The following HDGFL2 variants were observed in gnomAD, a reference collection of about 807,000 sequenced individuals.
HDGFL2 encodes hepatoma-derived growth factor-related protein 2.
HDGFL2 carries 36 observed loss-of-function variants against 77.1 expected under a neutral mutation model. The observed-to-expected ratio is 0.47, with a 90% CI of 0.36 to 0.62. HDGFL2 has a LOEUF of 0.62. Among genes scored for constraint, HDGFL2 ranks in the 20% least tolerant of loss-of-function variants. HDGFL2 has a pLI of 0.00. For synonymous variants in HDGFL2, 463 were observed against 413.1 expected, an observed-to-expected ratio of 1.12 and a Z score of -1.46; for missense variants, 976 against 973.4, an observed-to-expected ratio of 1.00 and a Z score of -0.04.
intron 3 of HDGFL2, among the ~76,000 whole-genome samples, chr19:4,477,025 G>C (rs1336152993): frequency 1.3e-5 from 2 of 152,146 alleles, no homozygotes; most frequent in Admixed American, 6.5e-5. Context: ...GGTCTGAGTG[G>C]AGCAAGGCAG....
At chr19:4,497,833 C>A in intron 10 of HDGFL2, 125 bp from the exon 11 acceptor site, 1 of 839,596 alleles carries the variant, frequency 1.2e-6, no homozygotes, top group Non-Finnish European at 1.9e-6. Context: ...CGTTTCCCGG[C>A]TTAGCTCCCA....
intron 6 of HDGFL2, among the ~76,000 whole-genome samples, chr19:4,493,252 G>T (rs1460795119): frequency 8.0e-6 from 1 of 125,684 alleles, no homozygotes; most frequent in East Asian, 2.4e-4. Flanking sequence ...TATGTGTGTT[G>T]TCTGTGTGTG....
chr19:4,497,988 G>T lies in HDGFL2; in HGVS notation c.1359G>T (p.Arg453=), dbSNP rs370031461. The change falls in exon 11 of 16, where the codon CGG becomes CGT. Residue 453 remains arginine (R), a synonymous_variant. Coordinates refer to ENST00000616600, the MANE Select transcript of HDGFL2 (RefSeq NM_001001520.3). ...TGAAGGTGGAGCGGACCCGGAAGCG[G>T]TCCGAGGGCTTCTCGATGGACAGGA... ...KPVKVERTRK[R]SEGFSMDRKV... 7.7e-6 allele frequency: 12 copies of T among 1,556,160 alleles called. No individual in the cohort carries two copies. Among genetic ancestry groups the T allele is most frequent in the East Asian group, 7.2e-5 (3 of 41,520 alleles).
chr19:4,498,931 CAGA>C lies in HDGFL2; in HGVS notation c.1575+17_1575+19del. On this transcript the variant is annotated intron_variant, in intron 13 of 15. Coordinates refer to ENST00000616600, the MANE Select transcript of HDGFL2 (RefSeq NM_001001520.3). ...CTTGAAGAAGGTATGGCGGGGGAAT[CAGA>C]GGCGCAGGGTGCAGTCGGGGGAGCT... The C allele has an allele frequency of 6.4e-7, 1 of 1,558,682 alleles. No homozygotes were observed. The highest frequency in any genetic ancestry group is 1.1e-5 in the South Asian group (1 of 87,396).
chr19:4,489,122 T>G (rs1975441474), intron 4 of HDGFL2, among the ~76,000 whole-genome samples: 1 of 151,566 alleles, frequency 6.6e-6, no homozygotes, highest in Non-Finnish European at 1.5e-5. Flanking sequence ...CTTGGCTAAT[T>G]TTTGTATTTT....
chr19:4,485,564 A>C (rs924889490), intron 3 of HDGFL2, among the ~76,000 whole-genome samples: 9 of 151,308 alleles, frequency 5.9e-5, no homozygotes, highest in African/African-American at 2.2e-4. Flanking sequence ...CAGTGAAACC[A>C]CGTCTCAACT....
In HDGFL2 at chr19:4,479,619, C is replaced by A. The variant is rs146152647; in HGVS notation, c.288+4036C>A. On this transcript the variant is annotated intron_variant, in intron 3 of 15. Transcript: ENST00000616600. ...AGAAAGAAAGAAACCCCGCCTCTACCCAAACTACAAAAATTAGCCACGCTT... is the reference window on the plus strand; with the variant it reads ...AGAAAGAAAGAAACCCCGCCTCTACACAAACTACAAAAATTAGCCACGCTT... Among the ~76,000 whole-genome samples, 180 of 146,558 alleles carry A rather than the reference C, an allele frequency of 1.2e-3. 6 individuals are homozygous for A. The East Asian group carries it at 0.03, about 24-fold the overall frequency.
rs547790923 is a variant in HDGFL2 at position 4,498,016 on chromosome 19, G to T, written c.1387G>T (p.Val463Leu). The T allele has an allele frequency of 1.3e-6, 2 of 1,556,166 alleles. No homozygotes were observed. Among genetic ancestry groups the T allele is most frequent in the African/African-American group, 1.4e-5 (1 of 73,488 alleles). The change falls in exon 11 of 16, where the codon GTA becomes TTA. Residue 463 changes from valine (V) to leucine (L), a missense_variant. Val to Leu is a conservative substitution (Grantham distance 32). Around this residue, in one of 5 missense-constraint regions of HDGFL2, gnomAD observed 567 missense variants for 534.7 expected, o/e 1.06. Coordinates refer to ENST00000616600, the MANE Select transcript of HDGFL2 (RefSeq NM_001001520.3). ...RSEGFSMDRK[V>L]EKKKEPSVEE... ...CGAGGGCTTCTCGATGGACAGGAAGGTAGAGAAGAAGAAAGGTGAGGCCTG... is the reference window on the plus strand; with the variant it reads ...CGAGGGCTTCTCGATGGACAGGAAGTTAGAGAAGAAGAAAGGTGAGGCCTG...
At position 4,498,804 on chromosome 19, in the gene HDGFL2, C is replaced by T. The variant is rs766317067; in HGVS notation, c.1474-10C>T. On this transcript the variant is annotated splice_polypyrimidine_tract_variant and intron_variant, in intron 12 of 15. Coordinates refer to ENST00000616600, the MANE Select transcript of HDGFL2 (RefSeq NM_001001520.3). ...CAGGCCGTCTCCCTCACTCCCACCC[C>T]ACCCTGCAGGACGTGAAGAGGTGCC... is the stretch of plus-strand genomic sequence containing the variant. 6.3e-6 allele frequency: 10 copies of T among 1,593,214 alleles called. No homozygotes were observed. The highest frequency in any genetic ancestry group is 1.7e-4 in the Middle Eastern group (1 of 6,038).
At chr19:4,491,134 C>T (rs1453043908) in intron 4 of HDGFL2, among the ~76,000 whole-genome samples, 2 of 151,914 alleles carry the variant, frequency 1.3e-5, no homozygotes, top group African/African-American at 2.4e-5. Flanking sequence ...TTAAGTGCCC[C>T]GTTCAGCAGC....
chr19:4,473,044 G>A (rs1974985842), intron 1 of HDGFL2, among the ~76,000 whole-genome samples: 1 of 149,754 alleles, frequency 6.7e-6, no homozygotes, highest in East Asian at 2.0e-4. Context: ...GCCCGAGGGA[G>A]TCGCACCTTG....
intron 3 of HDGFL2, among the ~76,000 whole-genome samples, chr19:4,481,436 C>T (rs965642083): frequency 7.9e-5 from 12 of 152,032 alleles, no homozygotes; most frequent in Admixed American, 2.0e-4. Flanking sequence ...GTGATCCGCC[C>T]GCCTCGGCCT....
At chr19:4,484,638 T>A (rs1047275225) in intron 3 of HDGFL2, among the ~76,000 whole-genome samples, 2 of 145,108 alleles carry the variant, frequency 1.4e-5, no homozygotes, top group African/African-American at 2.6e-5. Flanking sequence ...TAGATGGGAC[T>A]ACAGGCACCC....
intron 4 of HDGFL2, among the ~76,000 whole-genome samples, chr19:4,490,584 G>C (rs550281893): frequency 2.4e-4 from 36 of 152,290 alleles, no homozygotes; most frequent in African/African-American, 7.7e-4. Flanking sequence ...CCTGCCTTTT[G>C]ACCATTTCTC....
rs1473898848 is a variant in HDGFL2 at position 4,475,544 on chromosome 19, G to A, written c.249G>A (p.Glu83=). Residue 83 remains glutamate (E), a synonymous_variant, in exon 3 of 16, where the codon GAG becomes GAA. Coordinates refer to ENST00000616600, the MANE Select transcript of HDGFL2 (RefSeq NM_001001520.3). ...KRKGFNEGLW[E]IQNNPHASYS... Reference sequence around the variant, plus strand: ...AAGGCTTCAATGAAGGGCTGTGGGAGATCCAGAACAACCCCCACGCCAGCT... The same window carrying A: ...AAGGCTTCAATGAAGGGCTGTGGGAAATCCAGAACAACCCCCACGCCAGCT... 1.9e-6 allele frequency: 3 copies of A among 1,591,052 alleles called. No individual in the cohort carries two copies. The highest frequency in any genetic ancestry group is 2.6e-6 in the Non-Finnish European group (3 of 1,174,056).
intron 6 of HDGFL2, 27 bp downstream of exon 6, chr19:4,491,862 A>C: frequency 6.2e-7 from 1 of 1,602,984 alleles, no homozygotes; most frequent in Non-Finnish European, 8.5e-7. Flanking sequence ...TTTGTTTCCC[A>C]TGCCCACTCG....
At chr19:4,494,805 G>C (rs542582190) in intron 9 of HDGFL2, among the ~76,000 whole-genome samples, 1 of 152,004 alleles carries the variant, frequency 6.6e-6, no homozygotes, top group Non-Finnish European at 1.5e-5. Context: ...GTATAGTCCC[G>C]GCTGCTCAGG....
In HDGFL2 at chr19:4,494,296, GAGA is replaced by G; in HGVS notation, c.1048_1050del (p.Lys350del). On this transcript the variant is annotated inframe_deletion, in exon 9 of 16. Transcript: ENST00000616600. Reference sequence around the variant, plus strand: ...GCGCCTGCGGGAGCAGGAGAAGGAGGAGAAGGAGCGGAGGCGCGAGCGGGCCGA... The same window carrying G: ...GCGCCTGCGGGAGCAGGAGAAGGAGGAGGAGCGGAGGCGCGAGCGGGCCGA... The G allele has an allele frequency of 2.1e-6, 3 of 1,445,152 alleles. 1 individual carries two copies. In the South Asian group the frequency reaches 4.3e-5, roughly 21 times the overall value. 89.5% of individuals were successfully genotyped at this position (1,445,152 alleles called of 1,614,324 possible). A position where few individuals can be genotyped will look rare whatever the true frequency, so the allele number is the denominator to read the frequency against.
intron 3 of HDGFL2, 27 bp from the exon 4 acceptor site, chr19:4,488,649 G>A (rs998334771): frequency 2.7e-5 from 41 of 1,532,064 alleles, no homozygotes; most frequent in Non-Finnish European, 3.3e-5. Context: ...TGGTGGTGAC[G>A]CGCGTTCTCT....
Sources: gnomAD v4.1 joint callset for allele counts (sites outside exome capture counted in the v4.1 genomes callset) on GRCh38, gnomAD v4.1.1 for gene constraint, gnomAD v4.1.1 regional missense constraint, MANE v1.5 for transcripts, NCBI Gene and HGNC (gene_info 2026-07-23, HGNC 2026-07-21) for gene names.